Variants in UGT1A10 observed in about 807,000 individuals in gnomAD.
UGT1A10 encodes the protein UDP glucuronosyltransferase family 1 member A10.
UGT1A10 carries 49 observed loss-of-function variants against 45.8 expected under a neutral mutation model. That is an observed-to-expected ratio of 1.07 (90% CI 0.85 to 1.36). The LOEUF (loss-of-function observed/expected upper bound fraction) is 1.36. UGT1A10 is among the 40% of genes most tolerant of loss of function. The probability of loss-of-function intolerance (pLI) is 0.00; values close to 1 mark genes in which losing one functional copy is unlikely to be tolerated. For missense variants in UGT1A10, 745 were observed against 668.6 expected (o/e 1.11, Z -1.26); for synonymous variants, 284 against 249.7 (o/e 1.14, Z -1.29).
At chr2:233,739,437 C>G (rs1691099692) in intron 1 of UGT1A10, among the ~76,000 whole-genome samples, 1 of 152,212 alleles carries the variant, frequency 6.6e-6, no homozygotes, top group Non-Finnish European at 1.5e-5. Flanking sequence ...GGGCTTTACC[C>G]TGCAAAGCCA....
chr2:233,691,176 T>A (rs2075031367), intron 1 of UGT1A10: 1 of 985,600 alleles, frequency 1.0e-6, no homozygotes, highest in African/African-American at 1.7e-5. Flanking sequence ...AATGTCTGCC[T>A]GCTCAAGAAG....
At chr2:233,652,074 G>C (rs1285391203) in intron 1 of UGT1A10, among the ~76,000 whole-genome samples, 2 of 152,194 alleles carry the variant, frequency 1.3e-5, no homozygotes, top group Non-Finnish European at 2.9e-5. Flanking sequence ...CCAGTAGGAA[G>C]GAATTCAGGA....
intron 1 of UGT1A10, among the ~76,000 whole-genome samples, chr2:233,653,633 G>A (rs1223192622): frequency 6.6e-6 from 1 of 152,180 alleles, no homozygotes; most frequent in African/African-American, 2.4e-5. Flanking sequence ...GTCTCGCTGT[G>A]TTGCCTATGC....
chr2:233,651,038 T>C (rs902632889), intron 1 of UGT1A10, among the ~76,000 whole-genome samples: 3 of 152,084 alleles, frequency 2.0e-5, no homozygotes, highest in African/African-American at 7.2e-5. Flanking sequence ...CATGGGAAAA[T>C]GAAATAATGT....
At chr2:233,670,019 A>G (rs1315980726) in intron 1 of UGT1A10, among the ~76,000 whole-genome samples, 1 of 152,158 alleles carries the variant, frequency 6.6e-6, no homozygotes, top group African/African-American at 2.4e-5. Flanking sequence ...AAATTTAACT[A>G]TTAATAGCCT....
At chr2:233,755,509 C>T (rs143373661) in intron 1 of UGT1A10, 2 of 166,052 alleles carry the variant, frequency 1.2e-5, no homozygotes, top group Middle Eastern at 2.8e-3. Context: ...GACCAGGCCC[C>T]GCCCACTCCG....
At chr2:233,765,208 G>A (rs1325678271) in intron 1 of UGT1A10, among the ~76,000 whole-genome samples, 1 of 152,250 alleles carries the variant, frequency 6.6e-6, no homozygotes, top group South Asian at 2.1e-4. Flanking sequence ...AGTGCCCTCA[G>A]TATTCTTTGC....
At chr2:233,711,521 C>T (rs2076185051) in intron 1 of UGT1A10, among the ~76,000 whole-genome samples, 1 of 152,188 alleles carries the variant, frequency 6.6e-6, no homozygotes, top group East Asian at 1.9e-4. Context: ...TCTGTGTCCT[C>T]ACAACTCCCC....
At chr2:233,752,137 C>T (rs1694900584) in intron 1 of UGT1A10, among the ~76,000 whole-genome samples, 1 of 152,200 alleles carries the variant, frequency 6.6e-6, no homozygotes, top group Non-Finnish European at 1.5e-5. Flanking sequence ...CAGAAAGGAT[C>T]ATTCCCTCTT....
In UGT1A10 at chr2:233,641,612, T is replaced by A. The variant is rs112910737; in HGVS notation, c.855+4235T>A. ...TACTATTACCAGTGAGTTTTGTACCTTCAGATGATTTCTTCTTGCTCATGA... is the reference window on the plus strand; with the variant it reads ...TACTATTACCAGTGAGTTTTGTACCATCAGATGATTTCTTCTTGCTCATGA... On this transcript the variant is annotated intron_variant, in intron 1 of 4. Transcript: ENST00000344644. Among the ~76,000 whole-genome samples the A allele has an allele frequency of 2.7e-3, 412 of 152,322 alleles. 2 individuals carry two copies. The highest frequency in any genetic ancestry group is 1.1e-3 in the Non-Finnish European group (77 of 68,032).
At chr2:233,716,548 A>G (rs17864696) in intron 1 of UGT1A10, among the ~76,000 whole-genome samples, 1 of 152,142 alleles carries the variant, frequency 6.6e-6, no homozygotes, top group African/African-American at 2.4e-5. Context: ...CTCTCCTTAT[A>G]TTCCTTTTTT....
intron 1 of UGT1A10, among the ~76,000 whole-genome samples, chr2:233,764,044 G>C (rs1237715809): frequency 6.6e-6 from 1 of 152,166 alleles, no homozygotes; most frequent in Non-Finnish European, 1.5e-5. Flanking sequence ...AAGAATTCTG[G>C]GAAAATGAAA....
intron 1 of UGT1A10, among the ~76,000 whole-genome samples, chr2:233,660,232 T>C (rs997409570): frequency 5.9e-5 from 9 of 152,206 alleles, no homozygotes; most frequent in Non-Finnish European, 1.3e-4. Context: ...TTTCATGATG[T>C]TCGCCCCGCT....
intron 1 of UGT1A10, among the ~76,000 whole-genome samples, chr2:233,644,336 G>A (rs1270527317): frequency 6.6e-6 from 1 of 152,174 alleles, no homozygotes; most frequent in Non-Finnish European, 1.5e-5. Flanking sequence ...GGGAGGCTGA[G>A]GTGGGTGGAT....
At position 233,767,025 on chromosome 2, in the gene UGT1A10, T is replaced by G. The variant is rs1345213013; in HGVS notation, c.856-9T>G. ...AAAAATTAACTGAAAATTTTTCTTC[T>G]GGCTCTAGGAATTTGAAGCCTACAT... On this transcript the variant is annotated splice_polypyrimidine_tract_variant and intron_variant, in intron 1 of 4. Coordinates refer to ENST00000344644, the MANE Select transcript of UGT1A10 (RefSeq NM_019075.4). The G allele has an allele frequency of 6.2e-7, 1 of 1,614,030 alleles. No individual in the cohort carries two copies. The highest frequency in any genetic ancestry group is 8.5e-7 in the Non-Finnish European group (1 of 1,180,008).
Position 233,660,311 on chromosome 2 carries a change from T to G in UGT1A10, c.855+22934T>G, listed in dbSNP as rs570294863. ...CATGTGTAATGAGCCTTAAAGTGCCTTGTAACCCCTTGTTCTAATGGCTGA... is the reference window on the plus strand; with the variant it reads ...CATGTGTAATGAGCCTTAAAGTGCCGTGTAACCCCTTGTTCTAATGGCTGA... On this transcript the variant is annotated intron_variant, in intron 1 of 4. Transcript: ENST00000344644. Among the ~76,000 whole-genome samples, 3 of 152,314 alleles carry G rather than the reference T, an allele frequency of 2.0e-5. No individual in the cohort carries two copies. The South Asian group carries it at 6.2e-4, about 32-fold the overall frequency.
At chr2:233,641,721 G>A (rs1334123748) in intron 1 of UGT1A10, among the ~76,000 whole-genome samples, 1 of 152,058 alleles carries the variant, frequency 6.6e-6, no homozygotes, top group East Asian at 1.9e-4. Context: ...CTCAACTTTT[G>A]TCTTGGAAAG....
intron 1 of UGT1A10, among the ~76,000 whole-genome samples, chr2:233,724,910 T>C (rs1266541545): frequency 3.6e-5 from 5 of 139,534 alleles, no homozygotes; most frequent in Admixed American, 2.1e-4. Flanking sequence ...CTGGGCACCA[T>C]TGAGCACTGA....
intron 1 of UGT1A10, chr2:233,693,303 C>T (rs767883759): frequency 3.1e-6 from 5 of 1,614,124 alleles, no homozygotes; most frequent in Non-Finnish European, 1.7e-6. Context: ...AATCACTTTG[C>T]TGAGCGATCA....
Sources: allele counts gnomAD v4.1 joint callset (sites outside exome capture counted in the v4.1 genomes callset), GRCh38; gene constraint gnomAD v4.1.1; transcripts MANE v1.5; gene names NCBI Gene and HGNC (gene_info 2026-07-23, HGNC 2026-07-21).